ALG13: variants seen among roughly 807,000 people sequenced by gnomAD.
The protein encoded by ALG13 is ALG13 UDP-N-acetylglucosaminyltransferase subunit, also known as UDP-N-acetylglucosamine transferase subunit ALG13.
Under a neutral mutation model 87.8 loss-of-function variants are expected in ALG13, and 11 were observed. That is an observed-to-expected ratio of 0.13 (90% CI 0.08 to 0.21). The LOEUF (loss-of-function observed/expected upper bound fraction) is 0.21, where lower values mean the gene tolerates loss of function less well. Among genes scored for constraint, ALG13 ranks in the 10% least tolerant of loss-of-function variants. The pLI is 1.00. For missense variants in ALG13, 756 were observed against 866.1 expected, an observed-to-expected ratio of 0.87 and a Z score of 1.60; for synonymous variants, 320 against 306.3, an observed-to-expected ratio of 1.04 and a Z score of -0.47.
Position 111,752,883 on chromosome X carries a change from C to T in ALG13, c.2973+53C>T, listed in dbSNP as rs148941638. On this transcript the variant is annotated intron_variant, in intron 25 of 26. Coordinates refer to ENST00000394780, the MANE Select transcript of ALG13 (RefSeq NM_001099922.3). ...TAAGCCCTATTTTCAAAGTATAGACCGTTTTGATAATCAGACTCTTGAACT... is the reference window on the plus strand; with the variant it reads ...TAAGCCCTATTTTCAAAGTATAGACTGTTTTGATAATCAGACTCTTGAACT... The T allele has an allele frequency of 8.9e-5, 85 of 960,199 alleles. No homozygotes were observed. The African/African-American group carries it at 1.4e-3, about 16-fold the overall frequency. The allele number at this position is 960,199 out of a possible 1,213,427, so 79.1% of individuals were successfully genotyped here. A position where few individuals can be genotyped will look rare whatever the true frequency, so the allele number is the denominator to read the frequency against.
intron 25 of ALG13, 132 bp from the exon 26 acceptor site, chrX:111,757,456 C>T: frequency 2.2e-6 from 1 of 458,672 alleles, no homozygotes; most frequent in Non-Finnish European, 3.4e-6. Context: ...TCAAAAAAGT[C>T]ATTGCTACCT....
intron 3 of ALG13, among the ~76,000 whole-genome samples, chrX:111,685,688 A>C (rs2040225043): frequency 8.9e-6 from 1 of 112,268 alleles, no homozygotes; most frequent in Admixed American, 9.4e-5. Context: ...GAAATGTACT[A>C]TGAAGAAAGT....
intron 23 of ALG13, among the ~76,000 whole-genome samples, chrX:111,740,534 A>G (rs1052318228): frequency 9.0e-6 from 1 of 111,274 alleles, no homozygotes; most frequent in East Asian, 2.8e-4. Flanking sequence ...ACCATTTATT[A>G]CTTTTAAAAA....
chrX:111,722,739 A>G (rs1351751793), intron 12 of ALG13, 54 bp from the exon 13 acceptor site: 2 of 854,299 alleles, frequency 2.3e-6, no homozygotes, highest in East Asian at 6.6e-5. Flanking sequence ...AAATTAAATG[A>G]TATAGGAAAG....
At chrX:111,759,089 CTA>C (rs1211430873) in intron 26 of ALG13, among the ~76,000 whole-genome samples, 2 of 107,960 alleles carry the variant, frequency 1.9e-5, no homozygotes, top group African/African-American at 6.7e-5. Context: ...TTGTAGTTAA[CTA>C]TGAGGCAGTG....
intron 24 of ALG13, among the ~76,000 whole-genome samples, chrX:111,750,632 ATTGT>A (rs61179114): frequency 0.022 from 2,423 of 108,682 alleles, 77 homozygotes; most frequent in African/African-American, 0.074. Context: ...ATTGTATTGT[ATTGT>A]TTGTTTGTTT....
chrX:111,739,295 G>A (rs371003627), intron 23 of ALG13, among the ~76,000 whole-genome samples: 7 of 111,868 alleles, frequency 6.3e-5, no homozygotes, highest in Non-Finnish European at 1.3e-4. Context: ...AGGGGAAACC[G>A]CTCCCATGAT....
At chrX:111,697,445 C>G (rs1308963950) in intron 3 of ALG13, among the ~76,000 whole-genome samples, 2 of 111,758 alleles carry the variant, frequency 1.8e-5, no homozygotes, top group Non-Finnish European at 3.8e-5. Flanking sequence ...AATGCAAATT[C>G]TTGGGATTCA....
intron 7 of ALG13, 56 bp from the exon 8 acceptor site, chrX:111,713,169 A>C (rs1002511823): frequency 1.3e-6 from 1 of 772,760 alleles, no homozygotes; most frequent in Admixed American, 2.6e-5. Context: ...TCCTATAACT[A>C]TCTCTTACGT....
intron 1 of ALG13, 44 bp from the exon 2 acceptor site, chrX:111,682,088 A>G: frequency 9.0e-7 from 1 of 1,114,798 alleles, no homozygotes; most frequent in Non-Finnish European, 1.2e-6. Context: ...TCTGTTTTAC[A>G]TAGCCAGTTT....
At chrX:111,728,935 A>C (rs1470012735) in intron 19 of ALG13, among the ~76,000 whole-genome samples, 3 of 111,753 alleles carry the variant, frequency 2.7e-5, no homozygotes, top group African/African-American at 6.5e-5. Context: ...AATTTTTTGT[A>C]ACTTTTATTG....
chrX:111,725,117 T>G (rs761287237), intron 15 of ALG13, 56 bp downstream of exon 15: 81 of 1,164,086 alleles, frequency 7.0e-5, no homozygotes, highest in Non-Finnish European at 9.3e-5. Flanking sequence ...TGCTTTTACT[T>G]ACCTGCATTG....
chrX:111,718,482 C>T (rs1227936998), intron 10 of ALG13, among the ~76,000 whole-genome samples: 3 of 111,011 alleles, frequency 2.7e-5, no homozygotes, highest in Non-Finnish European at 5.7e-5. Context: ...TGTTCAGGTC[C>T]GTTTTGTATT....
At chrX:111,711,509 A>G (rs773219558) in intron 5 of ALG13, among the ~76,000 whole-genome samples, 166 bp from the exon 6 acceptor site, 77 of 112,221 alleles carry the variant, frequency 6.9e-4, no homozygotes, top group Non-Finnish European at 1.2e-3. Flanking sequence ...TTCTCCACTC[A>G]TGACTTTTGT....
At chrX:111,700,680 G>A (rs1446916369) in intron 3 of ALG13, among the ~76,000 whole-genome samples, 2 of 105,848 alleles carry the variant, frequency 1.9e-5, no homozygotes, top group Admixed American at 1.0e-4. Flanking sequence ...AGGTTCAAAC[G>A]ATTCACCTGC....
At position 111,744,768 on chromosome X, in the gene ALG13, A is replaced by ACCTCCTCCTCCT; in HGVS notation, c.2824_2835dup (p.Pro942_Pro945dup). 5.0e-6 allele frequency: 3 copies of ACCTCCTCCTCCT among 594,554 alleles called. No homozygotes were observed. The highest frequency in any genetic ancestry group is 6.6e-6 in the Non-Finnish European group (3 of 453,265). The allele number at this position is 594,554 out of a possible 1,213,427, so 49.0% of individuals were successfully genotyped here. A position where few individuals can be genotyped will look rare whatever the true frequency, so the allele number is the denominator to read the frequency against. On this transcript the variant is annotated inframe_insertion, in exon 24 of 27. Transcript: ENST00000394780. Reference sequence around the variant, plus strand: ...CACCACCACCACCACCACCACCACCACCTCCTCCTCCTCCTCCTCCTCCTC... The same window carrying ACCTCCTCCTCCT: ...CACCACCACCACCACCACCACCACCACCTCCTCCTCCTCCTCCTCCTCCTCCTCCTCCTCCTC...
In ALG13 at chrX:111,708,316, T is replaced by C. The variant is rs750123005; in HGVS notation, c.673T>C (p.Tyr225His). The C allele has an allele frequency of 2.5e-6, 3 of 1,211,629 alleles. No individual in the cohort carries two copies. The highest frequency in any genetic ancestry group is 3.4e-6 in the Non-Finnish European group (3 of 895,357). The change falls in exon 4 of 27, where the codon TAT becomes CAT. Residue 225 changes from tyrosine (Y) to histidine (H), a missense_variant. Around this residue, in one of 9 missense-constraint regions of ALG13, gnomAD observed 153 missense variants for 168.7 expected, o/e 0.91. Coordinates refer to ENST00000394780, the MANE Select transcript of ALG13 (RefSeq NM_001099922.3). ...TTTGAATGAGGCATCAATGGATGAA[T>C]ATTTAGGCAGCTTAGGGCTGTTTCG... ...KSLNEASMDEYLGSLGLFRKL... is the reference protein window; with the variant it reads ...KSLNEASMDEHLGSLGLFRKL...
chrX:111,693,497 C>T (rs1195043481), intron 3 of ALG13, among the ~76,000 whole-genome samples: 1 of 110,814 alleles, frequency 9.0e-6, no homozygotes, highest in Non-Finnish European at 1.9e-5. Flanking sequence ...CCACCCACCT[C>T]GGCCTCCTAA....
At chrX:111,703,547 A>G (rs766944449) in intron 3 of ALG13, among the ~76,000 whole-genome samples, 9 of 111,617 alleles carry the variant, frequency 8.1e-5, no homozygotes, top group Non-Finnish European at 1.7e-4. Context: ...AACCCTAACT[A>G]CTGGCAAAAA....
Sources: allele counts gnomAD v4.1 joint callset (sites outside exome capture counted in the v4.1 genomes callset), GRCh38; gene constraint gnomAD v4.1.1; regional missense constraint gnomAD v4.1.1; transcripts MANE v1.5; gene names NCBI Gene and HGNC (gene_info 2026-07-23, HGNC 2026-07-21).